PDE4D: variants seen among roughly 807,000 people sequenced by gnomAD.
PDE4D encodes phosphodiesterase 4D, also known as 3',5'-cyclic-AMP phosphodiesterase 4D.
In PDE4D, 24 loss-of-function variants were observed where a neutral mutation model predicts 87.4. That is an observed-to-expected ratio of 0.27 (90% CI 0.20 to 0.39). PDE4D has a LOEUF of 0.39. PDE4D is among the 10% of genes least tolerant of loss of function. PDE4D has a pLI of 1.00. For synonymous variants in PDE4D, 384 were observed against 383.2 expected (o/e 1.00, Z -0.02); for missense variants, 714 against 1,041.0 (o/e 0.69, Z 4.32).
chr5:59,145,489 G>A (rs1346991075), intron 5 of PDE4D, among the ~76,000 whole-genome samples: 5 of 152,062 alleles, frequency 3.3e-5, no homozygotes, highest in Admixed American at 6.6e-5. Flanking sequence ...CTATCTTTCC[G>A]CATGATTTTT....
chr5:59,653,751 C>T (rs1743903769), intron 1 of PDE4D, among the ~76,000 whole-genome samples: 1 of 151,568 alleles, frequency 6.6e-6, no homozygotes, highest in African/African-American at 2.4e-5. Flanking sequence ...GTATGCTTAA[C>T]TATAATTCTA....
At chr5:59,072,876 T>C (rs1396196523) in intron 5 of PDE4D, among the ~76,000 whole-genome samples, 2 of 152,206 alleles carry the variant, frequency 1.3e-5, no homozygotes, top group Non-Finnish European at 2.9e-5. Flanking sequence ...TGACCTGCAA[T>C]ATCTTTTAGG....
chr5:59,660,431 A>G (rs887115160), intron 1 of PDE4D, among the ~76,000 whole-genome samples: 1 of 152,080 alleles, frequency 6.6e-6, no homozygotes, highest in Non-Finnish European at 1.5e-5. Flanking sequence ...TTTCTCTCTC[A>G]AAAACAAATG....
chr5:60,286,085 C>T (rs781599902), intron 1 of PDE4D, among the ~76,000 whole-genome samples: 7 of 152,174 alleles, frequency 4.6e-5, no homozygotes, highest in Non-Finnish European at 8.8e-5. Flanking sequence ...TTTAACACTA[C>T]ACGTTCTCTT....
intron 1 of PDE4D, among the ~76,000 whole-genome samples, chr5:59,632,657 G>A (rs1831721539): frequency 6.6e-6 from 1 of 152,144 alleles, no homozygotes; most frequent in South Asian, 2.1e-4. Flanking sequence ...CTGCTAGAAG[G>A]AAAACTAACA....
At chr5:59,119,702 C>T (rs1382342868) in intron 5 of PDE4D, among the ~76,000 whole-genome samples, 2 of 152,190 alleles carry the variant, frequency 1.3e-5, no homozygotes, top group Non-Finnish European at 2.9e-5. Flanking sequence ...TTCAATCATA[C>T]TCCAAATGGA....
intron 3 of PDE4D, among the ~76,000 whole-genome samples, chr5:59,936,741 C>T (rs936210359): frequency 1.3e-5 from 2 of 152,102 alleles, no homozygotes; most frequent in Admixed American, 1.3e-4. Context: ...GGATATGGCC[C>T]CTGCTCCTTA....
At chr5:60,310,373 A>C (rs568445272) in intron 1 of PDE4D, among the ~76,000 whole-genome samples, 1 of 152,220 alleles carries the variant, frequency 6.6e-6, no homozygotes, top group Non-Finnish European at 1.5e-5. Flanking sequence ...GTTTGGGAAC[A>C]AAAATAAATA....
chr5:60,073,081 T>A (rs985336085), intron 2 of PDE4D, among the ~76,000 whole-genome samples: 2 of 152,168 alleles, frequency 1.3e-5, no homozygotes, highest in African/African-American at 4.8e-5. Context: ...GGCGTCTTTG[T>A]CTTGTGCTGG....
chr5:59,796,446 C>T (rs986266986), intron 1 of PDE4D, among the ~76,000 whole-genome samples: 1 of 152,162 alleles, frequency 6.6e-6, no homozygotes, highest in African/African-American at 2.4e-5. Flanking sequence ...TTGAGCTTGG[C>T]TCTGCCTTTT....
intron 1 of PDE4D, among the ~76,000 whole-genome samples, chr5:60,323,280 C>A (rs900237488): frequency 6.6e-6 from 1 of 152,190 alleles, no homozygotes; most frequent in Non-Finnish European, 1.5e-5. Context: ...CACCCTAAAC[C>A]AAACATATCC....
At chr5:59,598,151 A>T (rs928444938) in intron 1 of PDE4D, among the ~76,000 whole-genome samples, 4 of 152,190 alleles carry the variant, frequency 2.6e-5, no homozygotes, top group African/African-American at 7.2e-5. Flanking sequence ...AAATAATTCA[A>T]TGGGGAATAT....
At chr5:60,436,619 T>C (rs1744777394) in intron 1 of PDE4D, among the ~76,000 whole-genome samples, 1 of 152,108 alleles carries the variant, frequency 6.6e-6, no homozygotes, top group South Asian at 2.1e-4. Context: ...CCACACCCTT[T>C]AGAATTGAAG....
chr5:60,323,485 CT>C (rs1196475626), intron 1 of PDE4D, among the ~76,000 whole-genome samples: 1 of 152,156 alleles, frequency 6.6e-6, no homozygotes, highest in Non-Finnish European at 1.5e-5. Context: ...TCCCTCCATC[CT>C]TATACCACAG....
intron 1 of PDE4D, among the ~76,000 whole-genome samples, chr5:59,334,772 C>T (rs917262263): frequency 6.6e-6 from 1 of 151,632 alleles, no homozygotes; most frequent in Non-Finnish European, 1.5e-5. Context: ...CTCACCTCCC[C>T]ATTCCTAAAA....
intron 1 of PDE4D, among the ~76,000 whole-genome samples, chr5:59,615,855 A>G (rs1392067137): frequency 2.0e-5 from 3 of 152,182 alleles, no homozygotes; most frequent in Non-Finnish European, 4.4e-5. Flanking sequence ...ACAGCGAAGT[A>G]TAGGTCTAGG....
intron 1 of PDE4D, among the ~76,000 whole-genome samples, chr5:59,826,822 G>T (rs952506696): frequency 1.3e-5 from 2 of 152,190 alleles, no homozygotes; most frequent in East Asian, 3.9e-4. Flanking sequence ...TATCAAATTG[G>T]TGCCAAATAG....
At chr5:59,065,091 C>T (rs200894461) in intron 5 of PDE4D, among the ~76,000 whole-genome samples, 8,419 of 142,528 alleles carry the variant, frequency 0.059, 447 homozygotes, top group East Asian at 0.14. Context: ...CACACACACA[C>T]ACACACACAC....
At chr5:59,556,480 T>G (rs370816945) in intron 1 of PDE4D, among the ~76,000 whole-genome samples, 13 of 152,168 alleles carry the variant, frequency 8.5e-5, no homozygotes, top group African/African-American at 3.1e-4. Context: ...GGAATTCTGC[T>G]TTGCTGTGAA....
Sources: gnomAD v4.1 joint callset for allele counts (sites outside exome capture counted in the v4.1 genomes callset) on GRCh38, gnomAD v4.1.1 for gene constraint, MANE v1.5 for transcripts, NCBI Gene and HGNC (gene_info 2026-07-23, HGNC 2026-07-21) for gene names.